Variants in NCOR2 observed in about 807,000 individuals in gnomAD.
The protein encoded by NCOR2 is CTG repeat protein 26.
NCOR2 carries 81 observed loss-of-function variants against 262.9 expected under a neutral mutation model. The ratio of observed to expected loss-of-function variants is 0.31; its 90% confidence interval spans 0.26 to 0.37. The LOEUF (loss-of-function observed/expected upper bound fraction) is 0.37, where lower values mean the gene tolerates loss of function less well. NCOR2 is among the 10% of genes least tolerant of loss of function. NCOR2 has a pLI of 1.00. For synonymous variants in NCOR2, 1,659 were observed against 1,559.3 expected, an observed-to-expected ratio of 1.06 and a Z score of -1.51; for missense variants, 3,385 against 3,621.4, an observed-to-expected ratio of 0.93 and a Z score of 1.68.
At chr12:124,327,899 G>A (rs1375938466) in intron 44 of NCOR2, among the ~76,000 whole-genome samples, 1 of 152,094 alleles carries the variant, frequency 6.6e-6, no homozygotes, top group Non-Finnish European at 1.5e-5. Flanking sequence ...GCACTGCCAG[G>A]GAGGTGGGGT....
chr12:124,392,479 T>C (rs79520820), intron 16 of NCOR2, among the ~76,000 whole-genome samples: 8,358 of 152,120 alleles, frequency 0.055, 780 homozygotes, highest in African/African-American at 0.19. Context: ...CCCTGCCTGG[T>C]ATACCACCCC....
intron 43 of NCOR2, 192 bp downstream of exon 45, chr12:124,332,127 C>G: frequency 1.5e-6 from 1 of 645,638 alleles, no homozygotes; most frequent in Non-Finnish European, 2.6e-6. Flanking sequence ...TATGGAAAGC[C>G]CAGCAAATCA....
At chr12:124,506,221 C>A (rs867816506) in intron 1 of NCOR2, among the ~76,000 whole-genome samples, 4 of 152,214 alleles carry the variant, frequency 2.6e-5, no homozygotes, top group African/African-American at 7.2e-5. Flanking sequence ...AAAACTGAGG[C>A]TCGGAAAGGT....
At chr12:124,512,738 G>C (rs1338216525) in intron 1 of NCOR2, among the ~76,000 whole-genome samples, 2 of 152,228 alleles carry the variant, frequency 1.3e-5, no homozygotes, top group Non-Finnish European at 2.9e-5. Flanking sequence ...GATGCCCAGG[G>C]GACCAAGTGG....
intron 1 of NCOR2, among the ~76,000 whole-genome samples, chr12:124,565,190 T>C (rs2052195967): frequency 6.6e-6 from 1 of 152,054 alleles, no homozygotes; most frequent in African/African-American, 2.4e-5. Flanking sequence ...ATAGTATTGA[T>C]CCCCAGCAGC....
At chr12:124,370,161 A>T (rs756702230) in intron 20 of NCOR2, among the ~76,000 whole-genome samples, 11 of 152,180 alleles carry the variant, frequency 7.2e-5, no homozygotes, top group Admixed American at 2.6e-4. Flanking sequence ...ACCCAGCCAC[A>T]CCATGAACAC....
In NCOR2 at chr12:124,417,059, C is replaced by CTCACTCCACGGAGAGCAGGCCGGACAG. The variant is rs1565923758; in HGVS notation, c.1482+2871_1482+2897dup. Among the ~76,000 whole-genome samples the CTCACTCCACGGAGAGCAGGCCGGACAG allele has an allele frequency of 7.3e-3, 394 of 53,904 alleles. 6 individuals carry two copies. Among genetic ancestry groups the CTCACTCCACGGAGAGCAGGCCGGACAG allele is most frequent in the African/African-American group, 0.015 (339 of 23,296 alleles). The allele number at this position is 53,904 out of a possible 152,430, so 35.4% of individuals were successfully genotyped here. A position where few individuals can be genotyped will look rare whatever the true frequency, so the allele number is the denominator to read the frequency against. ...CTCACTCCTGAGAGCAAGCCGGACA[C>CTCACTCCACGGAGAGCAGGCCGGACAG]TCACTCCACGGAGAGCAGGCCGGAC... On this transcript the variant is annotated intron_variant, in intron 13 of 46. Coordinates refer to ENST00000405201, the Ensembl canonical transcript of NCOR2.
rs77677599 is a variant in NCOR2, at chr12:124,560,195, G to A, written c.-165+7113C>T. On this transcript the variant is annotated intron_variant, in intron 1 of 32. Transcript: ENST00000458234. Reference sequence around the variant, plus strand: ...ACAGTGAGGTAGTATATTAGGGATCGGCAAATATCTTCTGCAAAGGGCCAG... The same window carrying A: ...ACAGTGAGGTAGTATATTAGGGATCAGCAAATATCTTCTGCAAAGGGCCAG... 7.4e-4 allele frequency among the ~76,000 whole-genome samples: 112 copies of A among 152,300 alleles called. 1 individual carries two copies. In the East Asian group the frequency reaches 0.02, roughly 28 times the overall value.
intron 33 of NCOR2, 47 bp downstream of exon 35, chr12:124,342,958 C>T: frequency 6.3e-7 from 1 of 1,592,972 alleles, no homozygotes; most frequent in Non-Finnish European, 8.6e-7. Flanking sequence ...AGGTCCGTGG[C>T]CCTGTTCAGC....
rs190793873 is a variant in NCOR2 at position 124,416,893 on chromosome 12, G to A, written c.1482+3064C>T. ...ATAGACCCGCCGCACAGGGAGACCC[G>A]CGGCACTGTCTTGAAGCCACCTGTT... is the stretch of plus-strand genomic sequence containing the variant. On this transcript the variant is annotated intron_variant, in intron 13 of 46. Transcript: ENST00000405201. Among the ~76,000 whole-genome samples, 486 of 152,262 alleles carry A rather than the reference G, an allele frequency of 3.2e-3. 7 individuals are homozygous for A. The highest frequency in any genetic ancestry group is 1.2e-3 in the Non-Finnish European group (80 of 68,006).
intron 20 of NCOR2, among the ~76,000 whole-genome samples, chr12:124,368,304 C>G (rs2039204307): frequency 1.3e-5 from 2 of 152,310 alleles, no homozygotes; most frequent in South Asian, 4.1e-4. Context: ...GAATAAGGGC[C>G]TGGGGACATT....
chr12:124,388,624 GT>G (rs1335237855), intron 16 of NCOR2: 2 of 1,295,280 alleles, frequency 1.5e-6, no homozygotes, highest in Non-Finnish European at 2.0e-6. Flanking sequence ...AGATGGCCAC[GT>G]TGCGGTCCCT....
chr12:124,332,666 G>C (rs546291605), intron 42 of NCOR2, among the ~76,000 whole-genome samples, 199 bp from the exon 45 acceptor site: 155 of 152,282 alleles, frequency 1.0e-3, no homozygotes, highest in Non-Finnish European at 1.0e-3. Context: ...GGCTAGGGGT[G>C]TCTTGGGAGA....
chr12:124,340,771 A>G lies in NCOR2; in HGVS notation c.5189-20T>C, dbSNP rs760058895. On this transcript the variant is annotated intron_variant, in intron 34 of 46. Transcript: ENST00000405201. Reference sequence around the variant, plus strand: ...TGATGCCTGCGGGAGGTGTTGGGCCAGGGCTGTAGCCACAGGGAGGAGAGA... The same window carrying G: ...TGATGCCTGCGGGAGGTGTTGGGCCGGGGCTGTAGCCACAGGGAGGAGAGA... 6.6e-7 allele frequency: 1 copy of G among 1,509,606 alleles called. No individual in the cohort carries two copies. The highest frequency in any genetic ancestry group is 8.8e-7 in the Non-Finnish European group (1 of 1,141,906). The allele number at this position is 1,509,606 out of a possible 1,614,324, so 93.5% of individuals were successfully genotyped here. A position where few individuals can be genotyped will look rare whatever the true frequency, so the allele number is the denominator to read the frequency against.
intron 46 of NCOR2, 111 bp from the exon 49 acceptor site, chr12:124,325,694 T>A (rs1437058068): frequency 1.5e-6 from 1 of 689,546 alleles, no homozygotes; most frequent in East Asian, 3.4e-5. Flanking sequence ...TGTCCAACAG[T>A]CCTCCCAGAC....
chr12:124,389,169 G>C lies in NCOR2; in HGVS notation c.1877-3282C>G, dbSNP rs1565900262. ...AGCTCCTCCAGCACCAATGTGCCCAGTGCGGACGCTCAGCGAGCAATGCCG... is the reference window on the plus strand; with the variant it reads ...AGCTCCTCCAGCACCAATGTGCCCACTGCGGACGCTCAGCGAGCAATGCCG... On this transcript the variant is annotated intron_variant, in intron 16 of 46. Transcript: ENST00000405201. The surrounding 1 kb of genome is among the most constrained non-coding windows in gnomAD (Gnocchi z 4.4). Among the ~76,000 whole-genome samples, 1 of 152,264 alleles carries C rather than the reference G, an allele frequency of 6.6e-6. No homozygotes were observed. The highest frequency in any genetic ancestry group is 1.5e-5 in the Non-Finnish European group (1 of 68,034).
intron 27 of NCOR2, among the ~76,000 whole-genome samples, chr12:124,352,635 C>G (rs1240782301): frequency 6.6e-6 from 1 of 152,190 alleles, no homozygotes; most frequent in Non-Finnish European, 1.5e-5. Flanking sequence ...TCCCAAAATG[C>G]TGGGTTGACA....
At chr12:124,502,961 C>A (rs1231929469) in intron 1 of NCOR2, among the ~76,000 whole-genome samples, 1 of 152,200 alleles carries the variant, frequency 6.6e-6, no homozygotes, top group African/African-American at 2.4e-5. Context: ...CTCCTTGGCC[C>A]TCACTTGGCA....
chr12:124,388,380 G>A (rs912333264), intron 16 of NCOR2, among the ~76,000 whole-genome samples: 2 of 152,158 alleles, frequency 1.3e-5, no homozygotes, highest in Admixed American at 6.5e-5. Flanking sequence ...ACCGTGCCTT[G>A]GAGACCACCC....
Sources: allele counts gnomAD v4.1 joint callset (sites outside exome capture counted in the v4.1 genomes callset), GRCh38; gene constraint gnomAD v4.1.1; non-coding constraint Gnocchi (gnomAD v3.1); transcripts MANE v1.5; gene names NCBI Gene and HGNC (gene_info 2026-07-23, HGNC 2026-07-21).